GET4: variants seen among roughly 807,000 people sequenced by gnomAD.
GET4 encodes the protein guided entry of tail-anchored proteins factor 4.
In GET4, 20 loss-of-function variants were observed where a neutral mutation model predicts 40.0. That is an observed-to-expected ratio of 0.50 (90% confidence interval 0.35 to 0.73). The LOEUF (loss-of-function observed/expected upper bound fraction) is 0.73. Among genes scored for constraint, GET4 ranks in the 30% least tolerant of loss-of-function variants. The pLI, the probability that GET4 is intolerant of heterozygous loss-of-function variation, is 0.01. For synonymous variants in GET4, 280 were observed against 194.6 expected, an observed-to-expected ratio of 1.44 and a Z score of -3.65; for missense variants, 557 against 454.0, an observed-to-expected ratio of 1.23 and a Z score of -2.06.
chr7:890,718 A>C (rs1844301260), intron 4 of GET4, among the ~76,000 whole-genome samples: 1 of 152,026 alleles, frequency 6.6e-6, no homozygotes, highest in African/African-American at 2.4e-5. Flanking sequence ...TAGCTGAGTG[A>C]CTTTTCCCCG....
In GET4 at chr7:891,083, C is replaced by G. The variant is rs1347247027; in HGVS notation, c.605+17C>G. 6.4e-7 allele frequency: 1 copy of G among 1,568,270 alleles called. No individual in the cohort carries two copies. Among genetic ancestry groups the G allele is most frequent in the Non-Finnish European group, 8.7e-7 (1 of 1,153,408 alleles). The stretch of plus-strand genomic sequence containing the variant: ...CGTGCTACAGTAGGTGTCTGTGGCT[C>G]TTCGGGTCTCGGCTTCCATTGCTGC... On this transcript the variant is annotated intron_variant, in intron 5 of 8. Transcript: ENST00000265857.
chr7:888,298 G>A (rs959704494), intron 4 of GET4, among the ~76,000 whole-genome samples: 4 of 152,210 alleles, frequency 2.6e-5, no homozygotes, highest in Admixed American at 6.5e-5. Flanking sequence ...AGTGTGGCGC[G>A]GGAGCAGCTG....
intron 1 of GET4, chr7:880,012 C>T (rs1381118021): frequency 1.3e-5 from 2 of 152,214 alleles, no homozygotes; most frequent in Non-Finnish European, 2.9e-5. Flanking sequence ...AGCATTCACC[C>T]TGATGCCTGC....
chr7:895,372 GA>G lies in GET4; in HGVS notation c.935del (p.Glu312GlyfsTer96). 6.2e-7 allele frequency: 1 copy of G among 1,600,968 alleles called. No homozygotes were observed. The highest frequency in any genetic ancestry group is 8.6e-7 in the Non-Finnish European group (1 of 1,169,518). ...CAGCCTCATGGGCTCCTCAGAGCAG[GA>G]GGATGGGGAGGAGAGCCCCAGCGAC... ...LTSLMGSSEQ[E>X]DGEESPSDGS... On this transcript the variant is annotated frameshift_variant, in exon 9 of 9. Transcript: ENST00000265857. LOFTEE classifies it high-confidence loss of function.
Position 895,763 on chromosome 7 carries a change from G to C in GET4, c.*341G>C, listed in dbSNP as rs527282783. On this transcript the variant is annotated 3_prime_UTR_variant, in exon 9 of 9. Transcript: ENST00000265857. ...TGGGCAGCACAGGAGGCCCGTCCTC[G>C]GGGGGCTGCGCACATCACGCTCCTT... The C allele has an allele frequency of 5.6e-6, 1 of 178,674 alleles. No homozygotes were observed. The highest frequency in any genetic ancestry group is 1.4e-4 in the East Asian group (1 of 7,224). The allele number at this position is 178,674 out of a possible 1,614,324, so 11.1% of individuals were successfully genotyped here. A position where few individuals can be genotyped will look rare whatever the true frequency, so the allele number is the denominator to read the frequency against.
At chr7:878,817 G>T (rs1207171192) in intron 1 of GET4, among the ~76,000 whole-genome samples, 5 of 152,152 alleles carry the variant, frequency 3.3e-5, no homozygotes, top group African/African-American at 4.8e-5. Context: ...CTGACCTCGC[G>T]ATCCGCCCAC....
chr7:886,487 G>A, intron 2 of GET4, 82 bp from the exon 3 acceptor site: 3 of 1,036,466 alleles, frequency 2.9e-6, no homozygotes, highest in Non-Finnish European at 4.5e-6. Flanking sequence ...TCTGGCTTCT[G>A]CTGGAAACCC....
chr7:887,251 C>G (rs747953725), intron 3 of GET4, 119 bp from the exon 4 acceptor site: 2 of 1,030,106 alleles, frequency 1.9e-6, no homozygotes, highest in Admixed American at 3.4e-5. Context: ...TCAGGGACGC[C>G]CAGCAGGTTC....
intron 1 of GET4, chr7:880,426 C>T (rs1164161603): frequency 1.3e-5 from 2 of 152,262 alleles, no homozygotes; most frequent in African/African-American, 4.8e-5. Flanking sequence ...TTTTGAGCCA[C>T]TTCTACGGTG....
At chr7:891,396 T>C (rs905774035) in intron 5 of GET4, among the ~76,000 whole-genome samples, 6 of 152,204 alleles carry the variant, frequency 3.9e-5, no homozygotes, top group Non-Finnish European at 7.4e-5. Context: ...TATCTGGAAA[T>C]GCGTGGAATT....
intron 4 of GET4, among the ~76,000 whole-genome samples, chr7:889,137 G>A (rs1844256269): frequency 6.6e-6 from 1 of 152,274 alleles, no homozygotes. Flanking sequence ...GCCGTCCAGG[G>A]AGTGCATGGG....
chr7:877,201 CG>C (rs1843975211), intron 1 of GET4, among the ~76,000 whole-genome samples: 1 of 50,096 alleles, frequency 2.0e-5, no homozygotes, highest in Admixed American at 2.3e-4. Context: ...ACCTTGGTCT[CG>C]CTCTCTCTCT....
rs769882429 is a variant in GET4, at chr7:890,919, C to G, written c.467-9C>G. The G allele has an allele frequency of 1.9e-6, 3 of 1,592,842 alleles. No individual in the cohort carries two copies. Among genetic ancestry groups the G allele is most frequent in the African/African-American group, 1.3e-5 (1 of 74,450 alleles). On this transcript the variant is annotated splice_polypyrimidine_tract_variant and intron_variant, in intron 4 of 8. Transcript: ENST00000265857. ...AATGTATTTACATTTTTCTGTCTTT[C>G]CTTTGCAGAACAAAACTATTGTGAG... is the stretch of plus-strand genomic sequence containing the variant.
chr7:884,013 G>GCCGTGACCATCGGCAGTGCC, intron 1 of GET4: 1 of 1,145,404 alleles, frequency 8.7e-7, no homozygotes, highest in South Asian at 1.8e-5. Flanking sequence ...CAGGCCGGGG[G>GCCGTGACCATCGGCAGTGCC]CCGTGACCAT....
chr7:879,330 A>G (rs1256653156), intron 1 of GET4, among the ~76,000 whole-genome samples: 3 of 152,240 alleles, frequency 2.0e-5, no homozygotes, highest in Non-Finnish European at 4.4e-5. Flanking sequence ...AGGTGGACTC[A>G]GCAGCCCCAG....
rs753432287 is a variant in GET4 at position 895,719 on chromosome 7, G to C, written c.*297G>C. The C allele has an allele frequency of 4.5e-6, 1 of 220,766 alleles. No homozygotes were observed. The highest frequency in any genetic ancestry group is 1.2e-4 in the South Asian group (1 of 8,154). The allele number at this position is 220,766 out of a possible 1,614,324, so 13.7% of individuals were successfully genotyped here. A position where few individuals can be genotyped will look rare whatever the true frequency, so the allele number is the denominator to read the frequency against. The stretch of plus-strand genomic sequence containing the variant: ...ACCCTCTCCCACTCCTTTGTTCTGG[G>C]TCCTTTCGGGAGGGCTGATGGGCAG... On this transcript the variant is annotated 3_prime_UTR_variant, in exon 9 of 9. Coordinates refer to ENST00000265857, the MANE Select transcript of GET4 (RefSeq NM_015949.3).
At chr7:884,033 C>T (rs1022691053) in intron 1 of GET4, 1 of 1,155,152 alleles carries the variant, frequency 8.7e-7, no homozygotes, top group East Asian at 6.7e-5. Context: ...TCGGCAGTGC[C>T]CCCCAGAGCA....
intron 8 of GET4, 133 bp downstream of exon 8, chr7:894,104 A>G: frequency 3.4e-6 from 2 of 590,166 alleles, no homozygotes; most frequent in Admixed American, 3.4e-5. Context: ...TTCTCAGTTT[A>G]CTTTTGTTAG....
chr7:880,770 G>T (rs140399031), intron 1 of GET4: 3 of 152,242 alleles, frequency 2.0e-5, no homozygotes, highest in Admixed American at 6.5e-5. Context: ...AGACACTGTC[G>T]TTGTCTTTCC....
Sources: gnomAD v4.1 joint callset for allele counts (sites outside exome capture counted in the v4.1 genomes callset) on GRCh38, gnomAD v4.1.1 for gene constraint, MANE v1.5 for transcripts, NCBI Gene and HGNC (gene_info 2026-07-23, HGNC 2026-07-21) for gene names.